Variants in CLIC4 observed in about 807,000 individuals in gnomAD.
CLIC4 encodes the protein CLIC family member 4, also known as chloride intracellular channel protein 4.
In CLIC4, 13 loss-of-function variants were observed where a neutral mutation model predicts 24.6. That is an observed-to-expected ratio of 0.53 (90% CI 0.34 to 0.84). The LOEUF (loss-of-function observed/expected upper bound fraction) is 0.84, where lower values mean the gene tolerates loss of function less well. Ranked by LOEUF, CLIC4 falls within the 40% of genes least tolerant of loss-of-function variation. The probability of loss-of-function intolerance (pLI) is 0.01; values close to 1 mark genes in which losing one functional copy is unlikely to be tolerated. For missense variants in CLIC4, 227 were observed against 301.7 expected (o/e 0.75, Z 1.83); for synonymous variants, 104 against 111.3 (o/e 0.93, Z 0.41).
At chr1:24,793,731 C>T (rs1639366211) in intron 1 of CLIC4, among the ~76,000 whole-genome samples, 2 of 151,656 alleles carry the variant, frequency 1.3e-5, no homozygotes, top group Non-Finnish European at 2.9e-5. Flanking sequence ...TTAAACCAAG[C>T]TCTGTTGTAA....
chr1:24,819,487 G>A (rs1393016202), intron 3 of CLIC4, among the ~76,000 whole-genome samples: 1 of 151,550 alleles, frequency 6.6e-6, no homozygotes, highest in Non-Finnish European at 1.5e-5. Context: ...GCCCAGGCTG[G>A]AGTGCAATGG....
intron 3 of CLIC4, among the ~76,000 whole-genome samples, chr1:24,815,313 C>G (rs1221473002): frequency 1.3e-5 from 2 of 152,014 alleles, no homozygotes; most frequent in African/African-American, 4.8e-5. Context: ...GTCTGACCAA[C>G]ATGAAGAAAC....
At chr1:24,757,483 T>C (rs1211332724) in intron 1 of CLIC4, among the ~76,000 whole-genome samples, 1 of 152,116 alleles carries the variant, frequency 6.6e-6, no homozygotes, top group African/African-American at 2.4e-5. Context: ...CACATGCCTG[T>C]AACCCCAGCA....
chr1:24,769,955 C>G (rs1213475208), intron 1 of CLIC4, among the ~76,000 whole-genome samples: 2 of 152,056 alleles, frequency 1.3e-5, no homozygotes, highest in East Asian at 1.9e-4. Flanking sequence ...CTCCTGGGCT[C>G]AAGTGATCCT....
intron 2 of CLIC4, among the ~76,000 whole-genome samples, chr1:24,812,426 T>C (rs1639623140): frequency 6.6e-6 from 1 of 152,158 alleles, no homozygotes. Flanking sequence ...CTTTTCTCTT[T>C]TATTTTGCCA....
At chr1:24,783,284 T>C (rs1002557867) in intron 1 of CLIC4, among the ~76,000 whole-genome samples, 35 of 152,318 alleles carry the variant, frequency 2.3e-4, no homozygotes, top group African/African-American at 7.9e-4. Flanking sequence ...TGTGGTTAGA[T>C]AGGTTCCAAA....
At chr1:24,829,285 A>G (rs973706960) in intron 4 of CLIC4, among the ~76,000 whole-genome samples, 3 of 152,216 alleles carry the variant, frequency 2.0e-5, no homozygotes, top group South Asian at 2.1e-4. Context: ...CCTGAATGCT[A>G]CAGTTTTGGG....
chr1:24,779,885 C>T lies in CLIC4; in HGVS notation c.73-17857C>T, dbSNP rs116390258. 5.3e-3 allele frequency among the ~76,000 whole-genome samples: 802 copies of T among 152,314 alleles called. 8 individuals are homozygous for T. Among genetic ancestry groups the T allele is most frequent in the African/African-American group, 0.013 (561 of 41,564 alleles). On this transcript the variant is annotated intron_variant, in intron 1 of 5. Coordinates refer to ENST00000374379, the MANE Select transcript of CLIC4 (RefSeq NM_013943.3). The stretch of plus-strand genomic sequence containing the variant: ...ACTACCACAAGAGGCCACCCAGCTT[C>T]AATTCTTCATCATTTGATGCCTCTG...
intron 1 of CLIC4, 62 bp downstream of exon 1, chr1:24,745,687 G>A (rs1178390533): frequency 2.1e-6 from 3 of 1,424,078 alleles, no homozygotes; most frequent in Non-Finnish European, 2.8e-6. Flanking sequence ...GCTGCGGGGA[G>A]CGGCGTCCCG....
At chr1:24,825,758 C>T (rs1639781356) in intron 3 of CLIC4, among the ~76,000 whole-genome samples, 1 of 152,168 alleles carries the variant, frequency 6.6e-6, no homozygotes. Context: ...ACAGAAGATA[C>T]ATGAATATAA....
intron 2 of CLIC4, among the ~76,000 whole-genome samples, chr1:24,813,197 C>G (rs1331912655): frequency 6.6e-6 from 1 of 151,904 alleles, no homozygotes; most frequent in African/African-American, 2.4e-5. Flanking sequence ...GCACATGCCA[C>G]CACGCCCAAT....
chr1:24,766,162 G>T (rs1315071705), intron 1 of CLIC4, among the ~76,000 whole-genome samples: 1 of 151,836 alleles, frequency 6.6e-6, no homozygotes, highest in South Asian at 2.1e-4. Context: ...GTGCCACCAC[G>T]CCCAGCTAAT....
At chr1:24,784,231 C>A (rs941129725) in intron 1 of CLIC4, among the ~76,000 whole-genome samples, 2 of 152,044 alleles carry the variant, frequency 1.3e-5, no homozygotes, top group Non-Finnish European at 2.9e-5. Flanking sequence ...TAACCCCGTC[C>A]CTTGAGTGTT....
At chr1:24,792,127 T>G (rs1018501546) in intron 1 of CLIC4, among the ~76,000 whole-genome samples, 3 of 151,182 alleles carry the variant, frequency 2.0e-5, no homozygotes, top group African/African-American at 7.3e-5. Flanking sequence ...CATATATATG[T>G]GCATGTGTGT....
chr1:24,813,335 C>A (rs1453253097), intron 2 of CLIC4, among the ~76,000 whole-genome samples: 2 of 151,968 alleles, frequency 1.3e-5, no homozygotes, highest in Non-Finnish European at 2.9e-5. Context: ...AGCCACCGTG[C>A]CCGGCTGAAA....
chr1:24,799,706 TCAGCCCCCCGCCCGGC>T (rs1639456362), intron 2 of CLIC4, among the ~76,000 whole-genome samples: 1 of 93,928 alleles, frequency 1.1e-5, no homozygotes, highest in African/African-American at 4.3e-5. Context: ...GGTGGGGGGG[TCAGCCCCCCGCCCGGC>T]CAGCCGCCCC....
intron 2 of CLIC4, among the ~76,000 whole-genome samples, chr1:24,799,656 T>G (rs1052796234): frequency 1.9e-4 from 14 of 72,316 alleles, no homozygotes; most frequent in East Asian, 8.5e-4. Context: ...GTGGGGGGGG[T>G]CAGCCCCCCC....
intron 1 of CLIC4, among the ~76,000 whole-genome samples, chr1:24,763,266 A>G (rs2124092258): frequency 6.6e-6 from 1 of 152,246 alleles, no homozygotes; most frequent in Non-Finnish European, 1.5e-5. Context: ...TTGGCTGGGC[A>G]TGCTGGCTCA....
intron 1 of CLIC4, among the ~76,000 whole-genome samples, chr1:24,786,890 T>C (rs1382996615): frequency 6.6e-6 from 1 of 151,700 alleles, no homozygotes; most frequent in East Asian, 2.0e-4. Context: ...AGTGCTGGGA[T>C]TACAGGTGTG....
Sources: gnomAD v4.1 joint callset for allele counts (sites outside exome capture counted in the v4.1 genomes callset) on GRCh38, gnomAD v4.1.1 for gene constraint, MANE v1.5 for transcripts, NCBI Gene and HGNC (gene_info 2026-07-23, HGNC 2026-07-21) for gene names.